Variants in PKP4 observed in about 807,000 individuals in gnomAD.
PKP4 encodes plakophilin-4.
A neutral mutation model predicts 145.1 loss-of-function variants in PKP4; 90 were observed. That is an observed-to-expected ratio of 0.62 (90% CI 0.52 to 0.74). The LOEUF is 0.74. Among genes scored for constraint, PKP4 ranks in the 30% least tolerant of loss-of-function variants. The probability of loss-of-function intolerance (pLI) is 0.00; values close to 1 mark genes in which losing one functional copy is unlikely to be tolerated. For missense variants in PKP4, 1,340 were observed against 1,482.7 expected (o/e 0.90, Z 1.58); for synonymous variants, 563 against 577.2 (o/e 0.98, Z 0.35).
At chr2:158,630,235 A>C (rs1433052020) in intron 7 of PKP4, among the ~76,000 whole-genome samples, 1 of 152,242 alleles carries the variant, frequency 6.6e-6, no homozygotes, top group Non-Finnish European at 1.5e-5. Flanking sequence ...GAAAATATTC[A>C]GTCTTTTTAA....
At chr2:158,617,687 G>T (rs1213695161) in intron 4 of PKP4, among the ~76,000 whole-genome samples, 1 of 152,142 alleles carries the variant, frequency 6.6e-6, no homozygotes, top group South Asian at 2.1e-4. Context: ...TGTGTCTTCT[G>T]TTTACCTGAG....
chr2:158,670,596 G>A (rs532120557), intron 17 of PKP4, among the ~76,000 whole-genome samples: 5 of 152,312 alleles, frequency 3.3e-5, no homozygotes, highest in South Asian at 2.1e-4. Context: ...AATCTAGGGG[G>A]CACCATTTCC....
intron 3 of PKP4, among the ~76,000 whole-genome samples, chr2:158,596,834 C>T (rs1017227645): frequency 6.6e-5 from 10 of 152,144 alleles, no homozygotes; most frequent in African/African-American, 2.4e-4. Flanking sequence ...TATTCCCAAC[C>T]CCTTACGGTT....
chr2:158,608,387 G>A (rs767860593), intron 4 of PKP4, among the ~76,000 whole-genome samples: 2 of 152,060 alleles, frequency 1.3e-5, no homozygotes, highest in Non-Finnish European at 2.9e-5. Context: ...ATAATTAAAT[G>A]TTGTCCAAAT....
intron 12 of PKP4, chr2:158,660,198 C>T (rs969892672): frequency 6.6e-6 from 1 of 152,596 alleles, no homozygotes; most frequent in Non-Finnish European, 1.5e-5. Context: ...TGACAATGTC[C>T]AGTTTGAGAA....
chr2:158,545,073 CTTTTTTTT>C (rs386391605), intron 2 of PKP4, among the ~76,000 whole-genome samples: 12 of 72,510 alleles, frequency 1.7e-4, no homozygotes, highest in Admixed American at 6.8e-4. Context: ...AAGTCTTTCA[CTTTTTTTT>C]TTTTTTTTTT....
At chr2:158,471,221 A>G (rs189375884) in intron 1 of PKP4, among the ~76,000 whole-genome samples, 79 of 152,340 alleles carry the variant, frequency 5.2e-4, no homozygotes, top group African/African-American at 1.8e-3. Flanking sequence ...GGAAAGCCAA[A>G]GAATAGAATT....
chr2:158,662,388 A>G (rs2056677977), intron 13 of PKP4: 1 of 152,552 alleles, frequency 6.6e-6, no homozygotes, highest in South Asian at 2.1e-4. Context: ...GGTGTGATGC[A>G]GTCTTTTAGG....
intron 2 of PKP4, among the ~76,000 whole-genome samples, chr2:158,564,610 G>C (rs571861766): frequency 1.6e-3 from 246 of 152,258 alleles, no homozygotes; most frequent in Non-Finnish European, 2.5e-3. Flanking sequence ...CCCATGAACA[G>C]TACGTGTAAG....
intron 11 of PKP4, among the ~76,000 whole-genome samples, chr2:158,643,191 A>G (rs2054468061): frequency 6.6e-6 from 1 of 152,184 alleles, no homozygotes; most frequent in South Asian, 2.1e-4. Context: ...GGTGAGGAAC[A>G]CAGGTGGTTT....
intron 7 of PKP4, among the ~76,000 whole-genome samples, chr2:158,630,877 T>A (rs2053280250): frequency 6.6e-6 from 1 of 152,248 alleles, no homozygotes; most frequent in South Asian, 2.1e-4. Context: ...TAATTTTTTG[T>A]TATTTTTCTT....
chr2:158,515,504 C>G (rs1258757236), intron 1 of PKP4, among the ~76,000 whole-genome samples: 1 of 151,762 alleles, frequency 6.6e-6, no homozygotes, highest in Non-Finnish European at 1.5e-5. Context: ...TCAGCAAAAA[C>G]AGAATTTCAT....
At chr2:158,584,289 A>G (rs779149017) in intron 3 of PKP4, among the ~76,000 whole-genome samples, 1 of 152,174 alleles carries the variant, frequency 6.6e-6, no homozygotes, top group Non-Finnish European at 1.5e-5. Context: ...ACCAAATTTA[A>G]TGGTTTCCAC....
chr2:158,663,559 G>A, intron 15 of PKP4, 114 bp downstream of exon 15: 7 of 873,242 alleles, frequency 8.0e-6, no homozygotes, highest in Non-Finnish European at 1.2e-5. Context: ...AAGGGTCACA[G>A]CTACTTAGCT....
chr2:158,557,832 A>G (rs2046219606), intron 2 of PKP4, among the ~76,000 whole-genome samples: 1 of 152,150 alleles, frequency 6.6e-6, no homozygotes, highest in Non-Finnish European at 1.5e-5. Flanking sequence ...TTGGGTTTGA[A>G]GAAGGCAGCT....
At position 158,515,297 on chromosome 2, in the gene PKP4, T is replaced by C. The variant is rs139474974; in HGVS notation, c.-5-17883T>C. Among the ~76,000 whole-genome samples, 268 of 152,284 alleles carry C rather than the reference T, an allele frequency of 1.8e-3. 2 individuals are homozygous for C. Among genetic ancestry groups the C allele is most frequent in the African/African-American group, 6.2e-3 (256 of 41,560 alleles). ...GCTGGGCTTTTTTTCTGGAAAATCA[T>C]TTATTCATTTACTTTCAAACTAAGT... On this transcript the variant is annotated intron_variant, in intron 1 of 21. Coordinates refer to ENST00000389759, the MANE Select transcript of PKP4 (RefSeq NM_003628.6).
chr2:158,676,624 C>A, intron 19 of PKP4, 115 bp from the exon 20 acceptor site: 1 of 1,237,170 alleles, frequency 8.1e-7, no homozygotes, highest in Non-Finnish European at 1.2e-6. Context: ...TCAGCACCAG[C>A]TGTGTGTCAT....
chr2:158,586,308 C>G lies in PKP4; in HGVS notation c.245+8925C>G, dbSNP rs575737481. On this transcript the variant is annotated intron_variant, in intron 3 of 21. Coordinates refer to ENST00000389759, the MANE Select transcript of PKP4 (RefSeq NM_003628.6). Reference sequence around the variant, plus strand: ...GGAGAGGTGGGAGCAAAGGGAGATTCCCCTTGGCCTGTCCACCCATCCTCC... The same window carrying G: ...GGAGAGGTGGGAGCAAAGGGAGATTGCCCTTGGCCTGTCCACCCATCCTCC... Among the ~76,000 whole-genome samples, 5 of 152,298 alleles carry G rather than the reference C, an allele frequency of 3.3e-5. No homozygotes were observed. The South Asian group carries it at 1.0e-3, about 32-fold the overall frequency.
chr2:158,648,229 G>C (rs1024937524), intron 11 of PKP4, among the ~76,000 whole-genome samples: 2 of 152,170 alleles, frequency 1.3e-5, no homozygotes, highest in African/African-American at 4.8e-5. Context: ...TATTTCCACT[G>C]TTTATTGTGA....
Sources: gnomAD v4.1 joint callset for allele counts (sites outside exome capture counted in the v4.1 genomes callset) on GRCh38, gnomAD v4.1.1 for gene constraint, MANE v1.5 for transcripts, NCBI Gene and HGNC (gene_info 2026-07-23, HGNC 2026-07-21) for gene names.